The following PTPRN2 variants were observed in gnomAD, a reference collection of about 807,000 sequenced individuals.
The protein encoded by PTPRN2 is protein tyrosine phosphatase receptor type N2.
In PTPRN2, 74 loss-of-function variants were observed where a neutral mutation model predicts 118.8. The observed-to-expected ratio is 0.62, with a 90% CI of 0.52 to 0.76. The LOEUF (loss-of-function observed/expected upper bound fraction) is 0.76, where lower values mean the gene tolerates loss of function less well. Among genes scored for constraint, PTPRN2 ranks in the 30% least tolerant of loss-of-function variants. The pLI, the probability that PTPRN2 is intolerant of heterozygous loss-of-function variation, is 0.00. For synonymous variants in PTPRN2, 641 were observed against 608.0 expected (o/e 1.05, Z -0.80); for missense variants, 1,481 against 1,394.4 (o/e 1.06, Z -0.99).
At chr7:157,772,775 A>C (rs542867450) in intron 12 of PTPRN2, among the ~76,000 whole-genome samples, 66 of 152,288 alleles carry the variant, frequency 4.3e-4, no homozygotes, top group African/African-American at 1.6e-3. Context: ...ACACGTAAAC[A>C]CATTGAGTCT....
chr7:158,285,890 C>G (rs7785593), intron 3 of PTPRN2, among the ~76,000 whole-genome samples: 2,098 of 152,230 alleles, frequency 0.014, 46 homozygotes, highest in African/African-American at 0.048. Flanking sequence ...AAAGGTTTCA[C>G]AGAGAGAGCT....
At chr7:158,266,459 G>C (rs1450432510) in intron 3 of PTPRN2, among the ~76,000 whole-genome samples, 7 of 151,686 alleles carry the variant, frequency 4.6e-5, no homozygotes, top group African/African-American at 1.7e-4. Context: ...GCGGGGTGTT[G>C]TCTGGCAGTG....
At chr7:157,898,877 A>G (rs1797283402) in intron 11 of PTPRN2, 140 bp from the exon 12 acceptor site, 4 of 760,682 alleles carry the variant, frequency 5.3e-6, no homozygotes, top group Non-Finnish European at 9.1e-6. Flanking sequence ...GGTCATGAAC[A>G]GGCACAGAAT....
chr7:157,762,861 G>A (rs529935984), intron 12 of PTPRN2, among the ~76,000 whole-genome samples: 1 of 152,338 alleles, frequency 6.6e-6, no homozygotes, highest in South Asian at 2.1e-4. Flanking sequence ...CTTGGGAAGT[G>A]TGTCCCTGCG....
At chr7:157,867,560 C>T (rs1367909269) in intron 12 of PTPRN2, among the ~76,000 whole-genome samples, 1 of 148,302 alleles carries the variant, frequency 6.7e-6, no homozygotes, top group Non-Finnish European at 1.5e-5. Flanking sequence ...GGCCACCACC[C>T]TGTCCCTGAC....
chr7:158,341,962 A>T (rs201473730), intron 2 of PTPRN2, among the ~76,000 whole-genome samples: 1 of 99,516 alleles, frequency 1.0e-5, no homozygotes, highest in Non-Finnish European at 2.1e-5. Context: ...TCGCCCGCAG[A>T]CGTCACTCAC....
At position 158,525,397 on chromosome 7, in the gene PTPRN2, G is replaced by A. The variant is rs1015144980; in HGVS notation, c.113-35612C>T. On this transcript the variant is annotated intron_variant, in intron 1 of 22. Transcript: ENST00000389418. This position sits in a 1 kb window ranked among gnomAD's most constrained non-coding sequence, Gnocchi z 4.1. ...GCCCCAGGGGCCATGGGCTACGCAC[G>A]GGCCAGGTTTCCAGCCTGCCAGCCC... Among the ~76,000 whole-genome samples, 5 of 152,292 alleles carry A rather than the reference G, an allele frequency of 3.3e-5. No individual in the cohort carries two copies. The highest frequency in any genetic ancestry group is 7.2e-5 in the African/African-American group (3 of 41,570).
intron 12 of PTPRN2, among the ~76,000 whole-genome samples, chr7:157,715,166 G>C (rs1798838522): frequency 6.6e-6 from 1 of 152,204 alleles, no homozygotes; most frequent in Non-Finnish European, 1.5e-5. Flanking sequence ...CTTGAGAAAA[G>C]CACCCCCTGC....
intron 12 of PTPRN2, among the ~76,000 whole-genome samples, chr7:157,846,029 A>C (rs1412122498): frequency 6.6e-6 from 1 of 152,198 alleles, no homozygotes; most frequent in Non-Finnish European, 1.5e-5. Context: ...ATTTGATCAA[A>C]TCAAGTGAAG....
Position 158,376,954 on chromosome 7 carries a change from C to A in PTPRN2, c.164-60022G>T, listed in dbSNP as rs539227405. On this transcript the variant is annotated intron_variant, in intron 2 of 22. Transcript: ENST00000389418. ...GCGGGGTCAGGGGACTCCCCCACAGCCCTGTCACACGTCCTGCACGCGGGG... is the reference window on the plus strand; with the variant it reads ...GCGGGGTCAGGGGACTCCCCCACAGACCTGTCACACGTCCTGCACGCGGGG... Among the ~76,000 whole-genome samples, 325 of 95,024 alleles carry A rather than the reference C, an allele frequency of 3.4e-3. 1 individual carries two copies. Among genetic ancestry groups the A allele is most frequent in the African/African-American group, 0.013 (297 of 23,568 alleles). 62.3% of individuals were successfully genotyped at this position (95,024 alleles called of 152,430 possible).
At chr7:158,201,867 C>T (rs1225229489) in intron 4 of PTPRN2, among the ~76,000 whole-genome samples, 7 of 152,162 alleles carry the variant, frequency 4.6e-5, no homozygotes, top group Non-Finnish European at 1.0e-4. Context: ...TGTCTCACGC[C>T]TCCCTAAAAT....
At chr7:158,078,362 C>T (rs1359029728) in intron 11 of PTPRN2, among the ~76,000 whole-genome samples, 2 of 152,212 alleles carry the variant, frequency 1.3e-5, no homozygotes, top group Non-Finnish European at 2.9e-5. Context: ...GCACCCAGCA[C>T]TCCCAGTAAT....
intron 2 of PTPRN2, among the ~76,000 whole-genome samples, chr7:158,387,847 G>A (rs535006657): frequency 7.9e-5 from 12 of 152,224 alleles, no homozygotes; most frequent in Admixed American, 2.0e-4. Context: ...GCAGGAACCC[G>A]CCTCTGAATT....
intron 6 of PTPRN2, among the ~76,000 whole-genome samples, chr7:158,152,589 C>T (rs1821299345): frequency 6.6e-6 from 1 of 152,190 alleles, no homozygotes; most frequent in Non-Finnish European, 1.5e-5. Context: ...AGGCAGGTCC[C>T]TGGCTGGGGC....
chr7:158,140,772 C>T (rs953056560), intron 6 of PTPRN2, among the ~76,000 whole-genome samples: 2 of 152,220 alleles, frequency 1.3e-5, no homozygotes, highest in Admixed American at 1.3e-4. Flanking sequence ...GTCATCGTGT[C>T]CACCTGCGGT....
rs540426195 is a variant in PTPRN2 at position 158,143,418 on chromosome 7, C to T, written c.911-4903G>A. On this transcript the variant is annotated intron_variant, in intron 6 of 22. Transcript: ENST00000389418. Reference sequence around the variant, plus strand: ...GGGCATGGCTGTCCCCAGCAGTCGGCGTCCTCCGTGCTTAGGAGGCGAGGG... The same window carrying T: ...GGGCATGGCTGTCCCCAGCAGTCGGTGTCCTCCGTGCTTAGGAGGCGAGGG... 2.8e-4 allele frequency among the ~76,000 whole-genome samples: 42 copies of T among 152,308 alleles called. No homozygotes were observed. The Middle Eastern group carries it at 0.01, about 37-fold the overall frequency.
At chr7:158,269,153 TG>T (rs1798128288) in intron 3 of PTPRN2, among the ~76,000 whole-genome samples, 1 of 151,986 alleles carries the variant, frequency 6.6e-6, no homozygotes, top group African/African-American at 2.4e-5. Flanking sequence ...TCTGTTGGAG[TG>T]GCCTTCAGGG....
intron 1 of PTPRN2, among the ~76,000 whole-genome samples, chr7:158,519,669 C>T (rs1563384623): frequency 2.6e-5 from 4 of 152,314 alleles, no homozygotes; most frequent in African/African-American, 7.2e-5. Flanking sequence ...GGCCATACAA[C>T]ATCCCCAAGG....
chr7:157,776,334 C>G, intron 12 of PTPRN2, among the ~76,000 whole-genome samples: 1 of 117,640 alleles, frequency 8.5e-6, no homozygotes, highest in African/African-American at 4.8e-5. Context: ...CCTCCTCCAT[C>G]TCCTCCTCCT....
Sources: allele counts gnomAD v4.1 joint callset (sites outside exome capture counted in the v4.1 genomes callset), GRCh38; gene constraint gnomAD v4.1.1; non-coding constraint Gnocchi (gnomAD v3.1); transcripts MANE v1.5; gene names NCBI Gene and HGNC (gene_info 2026-07-23, HGNC 2026-07-21).